Variants in SRRM4 observed in about 807,000 individuals in gnomAD.
SRRM4 encodes the protein serine/arginine repetitive matrix 4.
SRRM4 carries 33 observed loss-of-function variants against 68.9 expected under a neutral mutation model. The ratio of observed to expected loss-of-function variants is 0.48; its 90% CI spans 0.36 to 0.64. The LOEUF (loss-of-function observed/expected upper bound fraction) is 0.64, where lower values mean the gene tolerates loss of function less well. SRRM4 is among the 30% of genes least tolerant of loss of function. SRRM4 has a pLI of 0.00. For missense variants in SRRM4, 817 were observed against 827.1 expected, an observed-to-expected ratio of 0.99 and a Z score of 0.15; for synonymous variants, 318 against 318.8, an observed-to-expected ratio of 1.00 and a Z score of 0.03.
intron 1 of SRRM4, among the ~76,000 whole-genome samples, chr12:119,047,858 C>T (rs935578607): frequency 1.3e-5 from 2 of 152,162 alleles, no homozygotes; most frequent in African/African-American, 4.8e-5. Context: ...ACAAATAAGC[C>T]CACCCCTAGT....
chr12:119,120,168 C>CATCTCTCTCT, intron 4 of SRRM4, 82 bp from the exon 5 acceptor site: 3 of 925,986 alleles, frequency 3.2e-6, no homozygotes, highest in Non-Finnish European at 5.0e-6. Context: ...TCCCTCTCTC[C>CATCTCTCTCT]ATCTCTCTCT....
Position 119,162,133 on chromosome 12 carries a change from A to T in SRRM4, c.*5335A>T, listed in dbSNP as rs1954518309. 6.6e-6 allele frequency: 1 copy of T among 152,046 alleles called. No homozygotes were observed. The highest frequency in any genetic ancestry group is 2.4e-5 in the African/African-American group (1 of 41,390). 9.4% of individuals were successfully genotyped at this position (152,046 alleles called of 1,614,324 possible). A position where few individuals can be genotyped will look rare whatever the true frequency, so the allele number is the denominator to read the frequency against. ...GGGGGCTCAAGCCCTGATGCTATGGACTCCATACTGTTGGATATATTGTCT... is the reference window on the plus strand; with the variant it reads ...GGGGGCTCAAGCCCTGATGCTATGGTCTCCATACTGTTGGATATATTGTCT... On this transcript the variant is annotated 3_prime_UTR_variant, in exon 13 of 13. Transcript: ENST00000267260.
rs1264509973 is a variant in SRRM4, at chr12:119,156,644, G to A, written c.1682G>A (p.Arg561Gln). The A allele has an allele frequency of 1.9e-6, 3 of 1,591,188 alleles. No homozygotes were observed. The highest frequency in any genetic ancestry group is 1.7e-5 in the Admixed American group (1 of 57,296). The change falls in exon 13 of 13, where the codon CGG (arginine) becomes CAG (glutamine). Residue 561 changes from arginine (R) to glutamine (Q), a missense_variant. By Grantham distance (43) the Arg-to-Gln change is conservative (BLOSUM62 1). Coordinates refer to ENST00000267260, the MANE Select transcript of SRRM4 (RefSeq NM_194286.4). ...RSRSRSRSRR[R>Q]SRTRTSSSSS... is the part of the protein sequence containing the mutation. ...CGGAGTCGGAGCCGGAGCCGGAGACGGAGCCGGACCCGCACGAGCAGCAGC... is the reference window on the plus strand; with the variant it reads ...CGGAGTCGGAGCCGGAGCCGGAGACAGAGCCGGACCCGCACGAGCAGCAGC...
chr12:119,110,889 G>A (rs1012812408), intron 2 of SRRM4, among the ~76,000 whole-genome samples: 8 of 152,230 alleles, frequency 5.3e-5, no homozygotes, highest in East Asian at 1.9e-4. Flanking sequence ...GAAATCACCC[G>A]TCTTCTGCAT....
In SRRM4 at chr12:119,010,147, G is replaced by C. The variant is rs147979586; in HGVS notation, c.131+28134G>C. On this transcript the variant is annotated intron_variant, in intron 1 of 12. Transcript: ENST00000267260. ...GGCTCTCTGCAACCTCCGCCTCCCA[G>C]GTTCAAGCAATTCTCCGGCCTCAGC... is the stretch of plus-strand genomic sequence containing the variant. 2.4e-4 allele frequency among the ~76,000 whole-genome samples: 36 copies of C among 152,316 alleles called. 1 individual carries two copies. The East Asian group carries it at 6.6e-3, about 28-fold the overall frequency.
At chr12:119,012,593 C>T (rs1953457163) in intron 1 of SRRM4, among the ~76,000 whole-genome samples, 1 of 152,144 alleles carries the variant, frequency 6.6e-6, no homozygotes, top group Non-Finnish European at 1.5e-5. Flanking sequence ...CTAACAGACT[C>T]CCCCAAGATG....
intron 1 of SRRM4, among the ~76,000 whole-genome samples, chr12:119,025,444 G>C (rs1176973318): frequency 1.3e-5 from 2 of 148,856 alleles, no homozygotes; most frequent in African/African-American, 5.0e-5. Context: ...TTTTTTGTTT[G>C]TTTGTTTGTT....
At chr12:118,982,123 T>C in intron 1 of SRRM4, 110 bp downstream of exon 1, 1 of 1,356,288 alleles carries the variant, frequency 7.4e-7, no homozygotes, top group Non-Finnish European at 9.9e-7. Context: ...GCCTGTCTTT[T>C]CCCGTCACTA....
At chr12:119,004,902 T>C (rs1213115206) in intron 1 of SRRM4, among the ~76,000 whole-genome samples, 1 of 152,024 alleles carries the variant, frequency 6.6e-6, no homozygotes, top group Non-Finnish European at 1.5e-5. Flanking sequence ...TTTGTTCCCT[T>C]GGCGGAACCA....
intron 8 of SRRM4, among the ~76,000 whole-genome samples, chr12:119,135,639 C>A (rs1954323415): frequency 6.6e-6 from 1 of 152,182 alleles, no homozygotes; most frequent in African/African-American, 2.4e-5. Flanking sequence ...ACCTACTATG[C>A]ACCAGGTGCT....
At chr12:119,026,339 T>C (rs1953548221) in intron 1 of SRRM4, among the ~76,000 whole-genome samples, 2 of 151,664 alleles carry the variant, frequency 1.3e-5, no homozygotes, top group African/African-American at 4.9e-5. Flanking sequence ...AATGGACAAT[T>C]TGAAGTTATA....
chr12:119,040,463 C>G (rs1228624661), intron 1 of SRRM4, among the ~76,000 whole-genome samples: 1 of 152,186 alleles, frequency 6.6e-6, no homozygotes, highest in Non-Finnish European at 1.5e-5. Context: ...GTTTTCCATT[C>G]CTGAGTTACT....
intron 1 of SRRM4, among the ~76,000 whole-genome samples, chr12:119,021,001 T>C (rs1229507206): frequency 2.6e-5 from 4 of 152,176 alleles, no homozygotes; most frequent in Non-Finnish European, 4.4e-5. Flanking sequence ...CGCTGTGTTC[T>C]GCTGGTTCTC....
chr12:119,120,478 AG>A, intron 5 of SRRM4, among the ~76,000 whole-genome samples: 1 of 152,202 alleles, frequency 6.6e-6, no homozygotes, highest in East Asian at 1.9e-4. Context: ...CCATCAGGCC[AG>A]GGGGTTGATC....
intron 1 of SRRM4, among the ~76,000 whole-genome samples, chr12:119,084,810 A>C (rs58970099): frequency 0.16 from 23,875 of 152,208 alleles, 1,985 homozygotes; most frequent in East Asian, 0.22. Flanking sequence ...TTCCTGAAAG[A>C]GGTGACATCT....
intron 1 of SRRM4, among the ~76,000 whole-genome samples, chr12:119,078,888 C>G (rs559600400): frequency 5.2e-4 from 79 of 152,318 alleles, no homozygotes; most frequent in Non-Finnish European, 8.4e-4. Context: ...TATGACCACA[C>G]CACTGCACTC....
chr12:119,099,928 C>G (rs940543094), intron 1 of SRRM4, among the ~76,000 whole-genome samples: 4 of 152,206 alleles, frequency 2.6e-5, no homozygotes, highest in Non-Finnish European at 4.4e-5. Context: ...ACTTCTACTA[C>G]ATTCTTTTCA....
At chr12:119,053,545 A>G (rs1487138128) in intron 1 of SRRM4, among the ~76,000 whole-genome samples, 1 of 152,218 alleles carries the variant, frequency 6.6e-6, no homozygotes, top group African/African-American at 2.4e-5. Flanking sequence ...TTTGGTGTCA[A>G]TTAAACGCAG....
At chr12:119,129,529 T>C (rs10161262) in intron 7 of SRRM4, among the ~76,000 whole-genome samples, 20,298 of 152,188 alleles carry the variant, frequency 0.13, 1,629 homozygotes, top group African/African-American at 0.21. Context: ...TTATACACAG[T>C]TACATTTATA....
Sources: gnomAD v4.1 joint callset for allele counts (sites outside exome capture counted in the v4.1 genomes callset) on GRCh38, gnomAD v4.1.1 for gene constraint, MANE v1.5 for transcripts, NCBI Gene and HGNC (gene_info 2026-07-23, HGNC 2026-07-21) for gene names.